Variants in PLEKHH2 observed in about 807,000 individuals in gnomAD.
PLEKHH2 encodes the protein pleckstrin homology domain-containing family H member 2.
PLEKHH2 carries 129 observed loss-of-function variants against 187.9 expected under a neutral mutation model. The observed-to-expected ratio is 0.69, with a 90% CI of 0.59 to 0.79. The LOEUF (loss-of-function observed/expected upper bound fraction) is 0.79. Ranked by LOEUF, PLEKHH2 falls within the 30% of genes least tolerant of loss-of-function variation. The pLI, the probability that PLEKHH2 is intolerant of heterozygous loss-of-function variation, is 0.00. For missense variants in PLEKHH2, 2,076 were observed against 1,751.2 expected, an observed-to-expected ratio of 1.19 and a Z score of -3.31; for synonymous variants, 686 against 605.6, an observed-to-expected ratio of 1.13 and a Z score of -1.95.
In PLEKHH2 at chr2:43,764,377, C is replaced by A; in HGVS notation, c.4296+12C>A. ...TGGCAAAACCCAAGGTGAGTAGAAG[C>A]CTTTCTGCCAACTTTTTTGTCCTAG... is the stretch of plus-strand genomic sequence containing the variant. On this transcript the variant is annotated intron_variant, in intron 29 of 29. Coordinates refer to ENST00000282406, the MANE Select transcript of PLEKHH2 (RefSeq NM_172069.4). 1.2e-6 allele frequency: 2 copies of A among 1,610,920 alleles called. No individual in the cohort carries two copies. Among genetic ancestry groups the A allele is most frequent in the Non-Finnish European group, 8.5e-7 (1 of 1,178,408 alleles).
At chr2:43,730,008 G>A (rs1558578735) in intron 18 of PLEKHH2, among the ~76,000 whole-genome samples, 1 of 151,976 alleles carries the variant, frequency 6.6e-6, no homozygotes, top group Non-Finnish European at 1.5e-5. Flanking sequence ...CCCTTCGTTG[G>A]CAGTCCTCAC....
intron 26 of PLEKHH2, among the ~76,000 whole-genome samples, chr2:43,758,327 G>T (rs1672295483): frequency 6.6e-6 from 1 of 151,960 alleles, no homozygotes; most frequent in South Asian, 2.1e-4. Context: ...ATCTCGGCTC[G>T]CTGCAACCTC....
chr2:43,703,914 G>C, intron 8 of PLEKHH2, 67 bp from the exon 9 acceptor site: 1 of 652,108 alleles, frequency 1.5e-6, no homozygotes, highest in Non-Finnish European at 2.4e-6. Context: ...ATTGAAAGTA[G>C]TCTTTTTTTT....
intron 24 of PLEKHH2, among the ~76,000 whole-genome samples, 199 bp downstream of exon 24, chr2:43,746,162 A>G (rs1354066636): frequency 6.6e-6 from 1 of 152,220 alleles, no homozygotes; most frequent in Non-Finnish European, 1.5e-5. Context: ...TCTTAATGTC[A>G]TAAAGAATTA....
chr2:43,732,106 G>A (rs750113185), intron 19 of PLEKHH2, among the ~76,000 whole-genome samples: 1 of 152,172 alleles, frequency 6.6e-6, no homozygotes, highest in Admixed American at 6.5e-5. Context: ...GCTTACTCCT[G>A]TAATCCCAGC....
At chr2:43,711,551 T>G in intron 14 of PLEKHH2, 1 of 968,704 alleles carries the variant, frequency 1.0e-6, no homozygotes, top group Non-Finnish European at 1.2e-6. Context: ...TTGCTAAAAC[T>G]ATGCTATTTT....
At chr2:43,733,972 C>T (rs914497613) in intron 19 of PLEKHH2, among the ~76,000 whole-genome samples, 5 of 152,094 alleles carry the variant, frequency 3.3e-5, no homozygotes, top group Non-Finnish European at 7.4e-5. Context: ...ATTGATTCCA[C>T]AGGAAAATGA....
intron 24 of PLEKHH2, among the ~76,000 whole-genome samples, chr2:43,748,818 A>G (rs2060173): frequency 0.43 from 65,229 of 151,416 alleles, 17,237 homozygotes; most frequent in African/African-American, 0.75. Context: ...GTGCAATGGC[A>G]CGATCTCAGC....
At chr2:43,701,176 C>T (rs1377888350) in intron 8 of PLEKHH2, among the ~76,000 whole-genome samples, 1 of 152,204 alleles carries the variant, frequency 6.6e-6, no homozygotes, top group Non-Finnish European at 1.5e-5. Context: ...GATTGAGTCA[C>T]CTGTTCCCAG....
intron 14 of PLEKHH2, 26 bp downstream of exon 14, chr2:43,710,601 T>TTTTTG: frequency 6.4e-7 from 1 of 1,566,786 alleles, no homozygotes; most frequent in Non-Finnish European, 8.6e-7. Context: ...TTTTTTTTTT[T>TTTTTG]TTTTTTTGTA....
chr2:43,711,156 T>C, intron 14 of PLEKHH2: 1 of 985,610 alleles, frequency 1.0e-6, no homozygotes, highest in South Asian at 4.7e-5. Context: ...GATATTCTAG[T>C]ATATGTAATT....
At chr2:43,694,141 C>G (rs529393127) in intron 4 of PLEKHH2, among the ~76,000 whole-genome samples, 1 of 152,156 alleles carries the variant, frequency 6.6e-6, no homozygotes, top group Non-Finnish European at 1.5e-5. Context: ...AGACCATTCC[C>G]AGAAATGGCT....
intron 2 of PLEKHH2, among the ~76,000 whole-genome samples, chr2:43,651,063 T>C (rs10210105): frequency 0.56 from 85,193 of 151,894 alleles, 24,319 homozygotes; most frequent in Middle Eastern, 0.66. Context: ...AATTTATAAT[T>C]TGTAATATAG....
At position 43,758,776 on chromosome 2, in the gene PLEKHH2, G is replaced by T. The variant is rs1396626518; in HGVS notation, c.3942-124G>T. 6 of 736,458 alleles carry T rather than the reference G, an allele frequency of 8.1e-6. No individual in the cohort carries two copies. The highest frequency in any genetic ancestry group is 3.4e-5 in the Admixed American group (1 of 29,686). 45.6% of individuals were successfully genotyped at this position (736,458 alleles called of 1,614,324 possible). The stretch of plus-strand genomic sequence containing the variant: ...TGAGAGTCACAAAATCTTTACCTGG[G>T]TTATGCCTAGGGATCACAGTTATGC... On this transcript the variant is annotated intron_variant, in intron 26 of 29. Transcript: ENST00000282406.
chr2:43,745,722 G>A (rs1671751487), intron 23 of PLEKHH2, 144 bp from the exon 24 acceptor site: 1 of 573,186 alleles, frequency 1.7e-6, no homozygotes, highest in African/African-American at 1.9e-5. Flanking sequence ...TAAACTCAGA[G>A]CCGCACAGAG....
intron 21 of PLEKHH2, among the ~76,000 whole-genome samples, chr2:43,742,007 A>AT (rs942141259): frequency 8.7e-4 from 129 of 148,414 alleles, no homozygotes; most frequent in African/African-American, 2.3e-3. Flanking sequence ...TTGTTTGAAG[A>AT]TTTTTTTTTT....
At chr2:43,697,125 C>T in intron 6 of PLEKHH2, 46 bp from the exon 7 acceptor site, 10 of 1,460,852 alleles carry the variant, frequency 6.8e-6, no homozygotes, top group Non-Finnish European at 8.3e-6. Context: ...GTTTAACAAA[C>T]TTCTATAAAA....
intron 3 of PLEKHH2, among the ~76,000 whole-genome samples, chr2:43,687,025 G>A (rs1432274954): frequency 6.6e-6 from 1 of 152,022 alleles, no homozygotes; most frequent in African/African-American, 2.4e-5. Flanking sequence ...GACTCAGAGG[G>A]TACATGTGCA....
chr2:43,759,929 G>A (rs1269322238), intron 27 of PLEKHH2, among the ~76,000 whole-genome samples: 4 of 152,118 alleles, frequency 2.6e-5, no homozygotes, highest in Non-Finnish European at 5.9e-5. Context: ...TTCTAACTCT[G>A]ATTCTATGAG....
Sources: gnomAD v4.1 joint callset for allele counts (sites outside exome capture counted in the v4.1 genomes callset) on GRCh38, gnomAD v4.1.1 for gene constraint, MANE v1.5 for transcripts, NCBI Gene and HGNC (gene_info 2026-07-23, HGNC 2026-07-21) for gene names.